The following E2F5 variants were observed in gnomAD, a reference collection of about 807,000 sequenced individuals.
E2F5 encodes the protein transcription factor E2F5.
Under a neutral mutation model 39.1 loss-of-function variants are expected in E2F5, and 23 were observed. That is an observed-to-expected ratio of 0.59 (90% CI 0.42 to 0.83). The LOEUF (loss-of-function observed/expected upper bound fraction) is 0.83. Ranked by LOEUF, E2F5 falls within the 40% of genes least tolerant of loss-of-function variation. The pLI is 0.00. For synonymous variants in E2F5, 145 were observed against 157.8 expected, an observed-to-expected ratio of 0.92 and a Z score of 0.61; for missense variants, 365 against 406.7, an observed-to-expected ratio of 0.90 and a Z score of 0.88.
intron 2 of E2F5, among the ~76,000 whole-genome samples, chr8:85,202,719 G>A (rs4150939): frequency 2.6e-5 from 4 of 151,764 alleles, no homozygotes; most frequent in African/African-American, 7.3e-5. Flanking sequence ...TTTTGTTTTC[G>A]CCAAAATTCC....
Position 85,214,079 on chromosome 8 carries a change from C to T in E2F5, c.*217C>T, listed in dbSNP as rs1018277226. On this transcript the variant is annotated 3_prime_UTR_variant, in exon 8 of 8. Transcript: ENST00000416274. ...GGATAAGTGATTTAATATCCACAAA[C>T]GTCCCCACTCCCAAAAGTAACTATA... 2.3e-4 allele frequency: 133 copies of T among 590,152 alleles called. No individual in the cohort carries two copies. The highest frequency in any genetic ancestry group is 3.4e-4 in the East Asian group (10 of 29,380). The allele number at this position is 590,152 out of a possible 1,614,324, so 36.6% of individuals were successfully genotyped here. A position where few individuals can be genotyped will look rare whatever the true frequency, so the allele number is the denominator to read the frequency against.
intron 1 of E2F5, among the ~76,000 whole-genome samples, chr8:85,194,401 A>C (rs1182384613): frequency 1.3e-5 from 2 of 152,094 alleles, no homozygotes; most frequent in African/African-American, 4.8e-5. Flanking sequence ...TCTGTCTAGT[A>C]CATTTTTCTT....
chr8:85,200,872 G>C (rs1812682168), intron 1 of E2F5, among the ~76,000 whole-genome samples: 1 of 152,248 alleles, frequency 6.6e-6, no homozygotes, highest in Non-Finnish European at 1.5e-5. Flanking sequence ...AGAAGGGACA[G>C]TGCCAAGTTA....
intron 1 of E2F5, among the ~76,000 whole-genome samples, chr8:85,185,435 T>A (rs1490234698): frequency 6.6e-6 from 1 of 152,136 alleles, no homozygotes; most frequent in African/African-American, 2.4e-5. Context: ...GGCAATACCA[T>A]TCAGGACAAA....
intron 4 of E2F5, 43 bp from the exon 5 acceptor site, chr8:85,207,382 T>C (rs148564836): frequency 2.7e-6 from 4 of 1,500,636 alleles, no homozygotes; most frequent in African/African-American, 1.4e-5. Context: ...TATTCCATGA[T>C]CAACAGTATT....
intron 4 of E2F5, 48 bp downstream of exon 4, chr8:85,206,268 A>G: frequency 6.4e-7 from 1 of 1,560,152 alleles, no homozygotes; most frequent in Non-Finnish European, 8.8e-7. Flanking sequence ...CAACCTATTT[A>G]GTGGAGGGTG....
intron 1 of E2F5, among the ~76,000 whole-genome samples, chr8:85,197,415 T>C (rs1812604941): frequency 6.6e-6 from 1 of 152,218 alleles, no homozygotes; most frequent in African/African-American, 2.4e-5. Context: ...TTTGTTCAAA[T>C]GAAGGGACGT....
At chr8:85,196,569 T>C (rs1812585588) in intron 1 of E2F5, among the ~76,000 whole-genome samples, 1 of 152,246 alleles carries the variant, frequency 6.6e-6, no homozygotes, top group African/African-American at 2.4e-5. Context: ...ACTTGGAAAC[T>C]TTTGGCTGTG....
At chr8:85,208,466 C>T (rs946515362) in intron 5 of E2F5, among the ~76,000 whole-genome samples, 3 of 152,132 alleles carry the variant, frequency 2.0e-5, no homozygotes, top group African/African-American at 7.2e-5. Flanking sequence ...AAGTCAAAGA[C>T]ATTTATTGAC....
chr8:85,184,280 C>T (rs564052203), intron 1 of E2F5, among the ~76,000 whole-genome samples: 1 of 152,280 alleles, frequency 6.6e-6, no homozygotes, highest in East Asian at 1.9e-4. Context: ...ATGATTATCT[C>T]AATAGATGCA....
At chr8:85,183,103 T>A (rs976479409) in intron 1 of E2F5, among the ~76,000 whole-genome samples, 2 of 151,994 alleles carry the variant, frequency 1.3e-5, no homozygotes, top group African/African-American at 4.8e-5. Context: ...TACAAAAAAA[T>A]TAGCCGGGTG....
intron 7 of E2F5, 111 bp downstream of exon 7, chr8:85,212,315 T>G: frequency 1.3e-6 from 1 of 749,526 alleles, no homozygotes. Context: ...TGCTTTACTA[T>G]GAAGATTCAT....
chr8:85,178,914 C>T (rs1015214491), intron 1 of E2F5, among the ~76,000 whole-genome samples: 17 of 152,220 alleles, frequency 1.1e-4, no homozygotes, highest in Non-Finnish European at 4.4e-5. Context: ...CAACTTCATA[C>T]AACTGAGGCA....
At position 85,203,107 on chromosome 8, in the gene E2F5, G is replaced by C; in HGVS notation, c.358G>C (p.Gly120Arg). 1 of 1,550,622 alleles carries C rather than the reference G, an allele frequency of 6.4e-7. No homozygotes were observed. The highest frequency in any genetic ancestry group is 8.7e-7 in the Non-Finnish European group (1 of 1,147,922). The change falls in exon 3 of 8, where the codon GGC becomes CGC. Residue 120 changes from glycine to arginine, a missense_variant. By Grantham distance (125) the Gly-to-Arg change is moderately radical. Coordinates refer to ENST00000416274, the MANE Select transcript of E2F5 (RefSeq NM_001951.4). ...TATGTTTTTAAGAGGTGTAGGTGCT[G>C]GCTGTAATACTAAAGAAGTCATAGA... ...NSIQWKGVGA[G>R]CNTKEVIDRL...
intron 1 of E2F5, among the ~76,000 whole-genome samples, chr8:85,184,444 G>A (rs547422227): frequency 2.0e-5 from 3 of 152,230 alleles, no homozygotes; most frequent in South Asian, 2.1e-4. Flanking sequence ...CATTCCCTTC[G>A]AAAACCAGTA....
At chr8:85,187,599 A>G (rs1311290083) in intron 1 of E2F5, 2 of 152,104 alleles carry the variant, frequency 1.3e-5, no homozygotes, top group Non-Finnish European at 2.9e-5. Context: ...TGATATATGT[A>G]TAGCCACTTC....
intron 1 of E2F5, among the ~76,000 whole-genome samples, chr8:85,192,328 C>A (rs889125624): frequency 6.6e-6 from 1 of 152,074 alleles, no homozygotes; most frequent in Non-Finnish European, 1.5e-5. Flanking sequence ...TCTCTGGCAG[C>A]CTATCGGAAT....
intron 1 of E2F5, 90 bp downstream of exon 1, chr8:85,177,744 G>A (rs1256273020): frequency 1.7e-6 from 2 of 1,149,274 alleles, no homozygotes; most frequent in African/African-American, 3.3e-5. Context: ...CTAGCGGCGT[G>A]GTGTAGACGC....
At chr8:85,208,498 G>A (rs768997123) in intron 5 of E2F5, among the ~76,000 whole-genome samples, 9 of 152,018 alleles carry the variant, frequency 5.9e-5, no homozygotes, top group South Asian at 2.1e-4. Context: ...CATGATTTTC[G>A]TTTTCAGATT....
Sources: allele counts gnomAD v4.1 joint callset (sites outside exome capture counted in the v4.1 genomes callset), GRCh38; gene constraint gnomAD v4.1.1; transcripts MANE v1.5; gene names NCBI Gene and HGNC (gene_info 2026-07-23, HGNC 2026-07-21).